Variants in TSEN54 observed in about 807,000 individuals in gnomAD.
The protein encoded by TSEN54 is tRNA splicing endonuclease subunit 54.
In TSEN54, 55 loss-of-function variants were observed where a neutral mutation model predicts 61.9. That is an observed-to-expected ratio of 0.89 (90% confidence interval 0.72 to 1.11). The LOEUF is 1.11. TSEN54 is among the 50% of genes most tolerant of loss of function. The pLI is 0.00. For missense variants in TSEN54, 760 were observed against 687.7 expected (o/e 1.11, Z -1.18); for synonymous variants, 304 against 288.7 (o/e 1.05, Z -0.54).
intron 8 of TSEN54, chr17:75,522,826 A>AGAAATC: frequency 3.7e-6 from 1 of 267,696 alleles, no homozygotes; most frequent in Non-Finnish European, 7.3e-6. Flanking sequence ...GACTTTCAGT[A>AGAAATC]TAATTTTTCA....
chr17:75,517,180 T>TG lies in TSEN54; in HGVS notation c.308dup (p.Phe104LeufsTer78). The TG allele has an allele frequency of 6.4e-7, 1 of 1,558,664 alleles. No homozygotes were observed. Among genetic ancestry groups the TG allele is most frequent in the African/African-American group, 1.4e-5 (1 of 72,616 alleles). On this transcript the variant is annotated frameshift_variant, in exon 4 of 11. Transcript: ENST00000333213. LOFTEE classifies it high-confidence loss of function. ...ACACAGGGCAAATTCTGGCAGACCA[T>TG]GGGCTTCTCAGAGCAGGGCCGGCAG... is the stretch of plus-strand genomic sequence containing the variant.
intron 6 of TSEN54, among the ~76,000 whole-genome samples, chr17:75,521,040 A>T (rs532127918): frequency 3.3e-4 from 51 of 152,344 alleles, no homozygotes; most frequent in Middle Eastern, 3.4e-3. Context: ...TATATTATTG[A>T]GTGAAAAAAA....
rs771561533 is a variant in TSEN54 at position 75,524,486 on chromosome 17, G to GCCTCCTGTACC, written c.*76_*86dup. 6.3e-7 allele frequency: 1 copy of GCCTCCTGTACC among 1,588,218 alleles called. No homozygotes were observed. Among genetic ancestry groups the GCCTCCTGTACC allele is most frequent in the Non-Finnish European group, 8.6e-7 (1 of 1,162,628 alleles). ...TCTGTTCTCAGGGACCATCTCGGCT[G>GCCTCCTGTACC]CCTCCTGTACCCAGACTCTAACCTG... On this transcript the variant is annotated 3_prime_UTR_variant, in exon 11 of 11. Transcript: ENST00000333213.
At position 75,516,569 on chromosome 17, in the gene TSEN54, C is replaced by T. The variant is rs1403122330; in HGVS notation, c.9C>T (p.Pro3=). 5 of 1,121,134 alleles carry T rather than the reference C, an allele frequency of 4.5e-6. No individual in the cohort carries two copies. Among genetic ancestry groups the T allele is most frequent in the Non-Finnish European group, 3.3e-6 (3 of 917,604 alleles). The allele number at this position is 1,121,134 out of a possible 1,614,324, so 69.4% of individuals were successfully genotyped here. Residue 3 remains proline (P), a synonymous_variant, in exon 1 of 11, where the codon CCC becomes CCT. Coordinates refer to ENST00000333213, the MANE Select transcript of TSEN54 (RefSeq NM_207346.3). Reference sequence around the variant, plus strand: ...CGGCAGGCGGCGGCGGGATGGAGCCCGAGCCCGAGCCCGCGGCCGTGGAGG... The same window carrying T: ...CGGCAGGCGGCGGCGGGATGGAGCCTGAGCCCGAGCCCGCGGCCGTGGAGG... ME[P]EPEPAAVEVP...
rs776602268 is a variant in TSEN54, at chr17:75,517,118, C to G, written c.286-43C>G. ...CCGGGGACCGCCCTCCCTGCCCTCC[C>G]TGCCCTCCCTCCCTTGTGACACTTG... On this transcript the variant is annotated intron_variant, in intron 3 of 10. Coordinates refer to ENST00000333213, the MANE Select transcript of TSEN54 (RefSeq NM_207346.3). 4 of 1,575,400 alleles carry G rather than the reference C, an allele frequency of 2.5e-6. No homozygotes were observed. The African/African-American group carries it at 5.5e-5, about 22-fold the overall frequency.
At position 75,517,040 on chromosome 17, in the gene TSEN54, G is replaced by C; in HGVS notation, c.253G>C (p.Glu85Gln). ...CTTGGTGGCTGCCGAGTGGAGGCCA[G>C]AAGAGGGCTTCGTGGAGTTGAAGTC... ...GSLVAAEWRP[E>Q]EGFVELKSPA... The change falls in exon 3 of 11, where the codon GAA (glutamate) becomes CAA (glutamine). Residue 85 changes from glutamate (E) to glutamine (Q), a missense_variant. Around this residue, in one of 3 missense-constraint regions of TSEN54, gnomAD observed 667 missense variants for 577.8 expected, o/e 1.15. Transcript: ENST00000333213. 1 of 1,596,246 alleles carries C rather than the reference G, an allele frequency of 6.3e-7. No individual in the cohort carries two copies. The highest frequency in any genetic ancestry group is 8.5e-7 in the Non-Finnish European group (1 of 1,172,200).
At chr17:75,524,112 G>A (rs745446822) in intron 10 of TSEN54, 150 bp from the exon 11 acceptor site, 94 of 1,119,338 alleles carry the variant, frequency 8.4e-5, no homozygotes, top group Non-Finnish European at 7.9e-5. Context: ...GCTCTGGGGC[G>A]CTCTTCATCA....
At chr17:75,521,322 C>T (rs777010928) in intron 6 of TSEN54, 87 bp from the exon 7 acceptor site, 6 of 1,127,646 alleles carry the variant, frequency 5.3e-6, no homozygotes, top group Non-Finnish European at 6.7e-6. Context: ...CACTGACTGT[C>T]CTCTTGGCCC....
intron 8 of TSEN54, chr17:75,522,655 T>C (rs1223712455): frequency 3.7e-6 from 3 of 806,818 alleles, no homozygotes; most frequent in Non-Finnish European, 5.3e-6. Context: ...AGGTGCCTTC[T>C]TGGCCAAGTG....
rs1436869073 is a variant in TSEN54, at chr17:75,523,762, C to T, written c.1413C>T (p.Ala471=). Reference sequence around the variant, plus strand: ...AGAATAACCCTGGCAAACCCTATGCCCGGATGTGCATTAGTGGGTACGCAG... The same window carrying T: ...AGAATAACCCTGGCAAACCCTATGCTCGGATGTGCATTAGTGGGTACGCAG... ...FRKNNPGKPY[A]RMCISGFDEP... is the part of the protein sequence containing the mutation. Residue 471 remains alanine (A), a synonymous_variant, in exon 10 of 11, where the codon GCC becomes GCT. Transcript: ENST00000333213. 6 of 1,613,832 alleles carry T rather than the reference C, an allele frequency of 3.7e-6. No homozygotes were observed. The highest frequency in any genetic ancestry group is 1.1e-5 in the South Asian group (1 of 91,080).
At chr17:75,520,352 G>A (rs1009016109) in intron 6 of TSEN54, among the ~76,000 whole-genome samples, 5 of 150,852 alleles carry the variant, frequency 3.3e-5, no homozygotes, top group Admixed American at 6.6e-5. Context: ...GGCGGATCGC[G>A]TGAGCTCAGG....
At position 75,522,340 on chromosome 17, in the gene TSEN54, C is replaced by A; in HGVS notation, c.1252+7C>A. ...GGCCAGGCCAGCTCCCCAGGTACCCCCTCAGCCTGCCACATCTTCGAGGGC... is the reference window on the plus strand; with the variant it reads ...GGCCAGGCCAGCTCCCCAGGTACCCACTCAGCCTGCCACATCTTCGAGGGC... On this transcript the variant is annotated splice_region_variant and intron_variant, in intron 8 of 10. Transcript: ENST00000333213. The A allele has an allele frequency of 6.5e-7, 1 of 1,544,458 alleles. No homozygotes were observed. The highest frequency in any genetic ancestry group is 1.2e-5 in the South Asian group (1 of 83,974).
intron 5 of TSEN54, chr17:75,518,575 C>T (rs780870730): frequency 5.1e-4 from 502 of 985,308 alleles, no homozygotes; most frequent in Non-Finnish European, 5.9e-4. Context: ...GAATATGTGG[C>T]TCCCTACCAG....
intron 9 of TSEN54, 126 bp downstream of exon 9, chr17:75,523,461 C>T: frequency 6.2e-7 from 1 of 1,601,044 alleles, no homozygotes; most frequent in Non-Finnish European, 8.5e-7. Context: ...CTACGCCTAG[C>T]TCTGAGCAAT....
chr17:75,522,627 C>T, intron 8 of TSEN54: 2 of 1,100,040 alleles, frequency 1.8e-6, no homozygotes, highest in Non-Finnish European at 2.4e-6. Flanking sequence ...TGATCCCAAC[C>T]TGTTAGATGG....
Position 75,517,668 on chromosome 17 carries a change from A to G in TSEN54, c.468+13A>G. The G allele has an allele frequency of 6.2e-7, 1 of 1,609,220 alleles. No homozygotes were observed. The stretch of plus-strand genomic sequence containing the variant: ...CCTGCAGTACCAGGTATCTGCCACC[A>G]CCCCGCCTCCGGGAGCCACCCATCC... On this transcript the variant is annotated intron_variant, in intron 5 of 10. Coordinates refer to ENST00000333213, the MANE Select transcript of TSEN54 (RefSeq NM_207346.3).
chr17:75,521,206 CCA>C, intron 6 of TSEN54: 1 of 604,358 alleles, frequency 1.7e-6, no homozygotes, highest in Non-Finnish European at 3.0e-6. Flanking sequence ...CTCCTCTGGG[CCA>C]TTGCCTAGGC....
chr17:75,522,551 A>G, intron 8 of TSEN54: 1 of 1,431,316 alleles, frequency 7.0e-7, no homozygotes, highest in Non-Finnish European at 9.1e-7. Flanking sequence ...GAGGGGTGGA[A>G]ACTATGACCA....
intron 10 of TSEN54, 138 bp downstream of exon 10, chr17:75,523,917 A>C (rs1255668631): frequency 4.2e-6 from 4 of 947,634 alleles, no homozygotes; most frequent in Non-Finnish European, 5.0e-6. Flanking sequence ...TAAGTGACCT[A>C]CACAAGGCCA....
Sources: gnomAD v4.1 joint callset for allele counts (sites outside exome capture counted in the v4.1 genomes callset) on GRCh38, gnomAD v4.1.1 for gene constraint, gnomAD v4.1.1 regional missense constraint, MANE v1.5 for transcripts, NCBI Gene and HGNC (gene_info 2026-07-23, HGNC 2026-07-21) for gene names.